NOL10: variants seen among roughly 807,000 people sequenced by gnomAD.
The protein encoded by NOL10 is nucleolar protein 10.
NOL10 carries 58 observed loss-of-function variants against 103.5 expected under a neutral mutation model. That is an observed-to-expected ratio of 0.56 (90% confidence interval 0.45 to 0.70). The LOEUF is 0.70. NOL10 is among the 30% of genes least tolerant of loss of function. NOL10 has a pLI of 0.00. For synonymous variants in NOL10, 287 were observed against 282.5 expected, an observed-to-expected ratio of 1.02 and a Z score of -0.16; for missense variants, 763 against 807.3, an observed-to-expected ratio of 0.95 and a Z score of 0.67.
intron 13 of NOL10, among the ~76,000 whole-genome samples, chr2:10,635,779 G>A (rs1427601866): frequency 6.6e-6 from 1 of 152,100 alleles, no homozygotes; most frequent in East Asian, 1.9e-4. Flanking sequence ...TATCCTTACT[G>A]AACAAATACA....
intron 17 of NOL10, among the ~76,000 whole-genome samples, chr2:10,598,805 G>GAAAAC (rs70953319): frequency 0.59 from 89,556 of 151,602 alleles, 27,424 homozygotes; most frequent in African/African-American, 0.74. Context: ...AGAAATAAAA[G>GAAAAC]AAAGAAAATA....
intron 1 of NOL10, among the ~76,000 whole-genome samples, chr2:10,686,491 C>T (rs1341279204): frequency 6.6e-6 from 1 of 152,128 alleles, no homozygotes. Context: ...TGCTTTTCAC[C>T]CCCAAGAGAG....
intron 13 of NOL10, among the ~76,000 whole-genome samples, chr2:10,611,784 C>T (rs183535639): frequency 1.1e-4 from 16 of 152,186 alleles, no homozygotes; most frequent in Non-Finnish European, 1.9e-4. Flanking sequence ...GGCGTGGTGG[C>T]GCATGCCTGT....
intron 19 of NOL10, among the ~76,000 whole-genome samples, chr2:10,586,080 A>C (rs1675009276): frequency 6.6e-6 from 1 of 152,244 alleles, no homozygotes; most frequent in Non-Finnish European, 1.5e-5. Context: ...CGATAGAGAC[A>C]GAAAAGTAAA....
In NOL10 at chr2:10,651,036, G is replaced by A. The variant is rs536940213; in HGVS notation, c.973+3445C>T. Among the ~76,000 whole-genome samples the A allele has an allele frequency of 3.9e-5, 6 of 152,230 alleles. No homozygotes were observed. The South Asian group carries it at 1.2e-3, about 32-fold the overall frequency. The stretch of plus-strand genomic sequence containing the variant: ...TTTGCCAAGTAGTCACACCCTTTGT[G>A]GGTTAAGAGATCTTTACAGCCATTA... On this transcript the variant is annotated intron_variant, in intron 12 of 20. Transcript: ENST00000381685.
intron 13 of NOL10, among the ~76,000 whole-genome samples, chr2:10,638,340 A>AACGTAACGTG (rs1678438607): frequency 7.6e-6 from 1 of 131,186 alleles, no homozygotes; most frequent in African/African-American, 3.9e-5. Flanking sequence ...GACGTAACGT[A>AACGTAACGTG]ACGTAACGTA....
At chr2:10,607,762 A>G (rs955441862) in intron 13 of NOL10, among the ~76,000 whole-genome samples, 30 of 149,434 alleles carry the variant, frequency 2.0e-4, no homozygotes, top group Admixed American at 1.2e-3. Context: ...TATTATTATT[A>G]TTATTATTAT....
At chr2:10,578,118 T>C (rs1482082529) in intron 19 of NOL10, among the ~76,000 whole-genome samples, 1 of 152,222 alleles carries the variant, frequency 6.6e-6, no homozygotes, top group Non-Finnish European at 1.5e-5. Flanking sequence ...GATATAATGA[T>C]ATATTTAAAC....
chr2:10,631,556 T>C (rs1033317927), intron 13 of NOL10, among the ~76,000 whole-genome samples: 2 of 152,156 alleles, frequency 1.3e-5, no homozygotes, highest in African/African-American at 4.8e-5. Context: ...TTGGACAAGG[T>C]ATTACTTTTA....
intron 17 of NOL10, among the ~76,000 whole-genome samples, chr2:10,593,062 C>T (rs10207885): frequency 0.34 from 52,257 of 151,828 alleles, 9,415 homozygotes; most frequent in Non-Finnish European, 0.4. Context: ...CTGAGTGGGA[C>T]GCCTATTATT....
intron 13 of NOL10, among the ~76,000 whole-genome samples, chr2:10,615,101 G>C (rs1331950545): frequency 6.6e-6 from 1 of 152,194 alleles, no homozygotes; most frequent in African/African-American, 2.4e-5. Flanking sequence ...TGCATTTGCA[G>C]CATAATGAGC....
intron 13 of NOL10, among the ~76,000 whole-genome samples, chr2:10,636,133 C>G (rs1470112667): frequency 2.0e-5 from 3 of 152,020 alleles, no homozygotes; most frequent in African/African-American, 7.2e-5. Context: ...AGTGATCTAC[C>G]CGCCTCGGCC....
intron 13 of NOL10, among the ~76,000 whole-genome samples, chr2:10,630,248 A>G (rs1001269204): frequency 2.6e-5 from 4 of 152,244 alleles, no homozygotes; most frequent in African/African-American, 4.8e-5. Flanking sequence ...TCAAGAAACT[A>G]GTGTTCGGAG....
Position 10,573,626 on chromosome 2 carries a change from T to C in NOL10, c.1948-1436A>G, listed in dbSNP as rs148389465. ...AATTGAAGAGTTGCAAGTGAGAGAA[T>C]AGCGGGGAAGGAAAGCAATTTGTAA... On this transcript the variant is annotated intron_variant, in intron 20 of 20. Coordinates refer to ENST00000381685, the MANE Select transcript of NOL10 (RefSeq NM_024894.4). Among the ~76,000 whole-genome samples, 250 of 137,348 alleles carry C rather than the reference T, an allele frequency of 1.8e-3. 1 individual carries two copies. Among genetic ancestry groups the C allele is most frequent in the African/African-American group, 6.9e-3 (248 of 35,756 alleles). The allele number at this position is 137,348 out of a possible 152,430, so 90.1% of individuals were successfully genotyped here. A position where few individuals can be genotyped will look rare whatever the true frequency, so the allele number is the denominator to read the frequency against.
At chr2:10,585,900 T>C (rs1172499635) in intron 19 of NOL10, among the ~76,000 whole-genome samples, 1 of 152,008 alleles carries the variant, frequency 6.6e-6, no homozygotes, top group African/African-American at 2.4e-5. Flanking sequence ...TTTCAGCCCA[T>C]ATTGGTTGAA....
chr2:10,600,802 G>A, intron 17 of NOL10, 51 bp downstream of exon 17: 1 of 1,163,380 alleles, frequency 8.6e-7, no homozygotes, highest in South Asian at 1.4e-5. Context: ...AAAGATGTAA[G>A]TTACTATCAA....
intron 4 of NOL10, among the ~76,000 whole-genome samples, chr2:10,674,354 T>A (rs544298535): frequency 1.3e-5 from 2 of 152,182 alleles, no homozygotes; most frequent in Non-Finnish European, 2.9e-5. Flanking sequence ...TAAAAGCACT[T>A]GAACTTTCCC....
chr2:10,608,025 T>G (rs1558286334), intron 13 of NOL10, among the ~76,000 whole-genome samples: 2 of 152,024 alleles, frequency 1.3e-5, no homozygotes, highest in Non-Finnish European at 2.9e-5. Flanking sequence ...GCTAAGAGAG[T>G]AGATTTTAAA....
chr2:10,663,936 GCGAGACTCCGTCTCCAAAA>G (rs1478186077), intron 8 of NOL10, among the ~76,000 whole-genome samples: 1 of 150,684 alleles, frequency 6.6e-6, no homozygotes. Context: ...GGGCGACAGA[GCGAGACTCCGTCTCCAAAA>G]AAAAAAAAAA....
Sources: allele counts gnomAD v4.1 joint callset (sites outside exome capture counted in the v4.1 genomes callset), GRCh38; gene constraint gnomAD v4.1.1; transcripts MANE v1.5; gene names NCBI Gene and HGNC (gene_info 2026-07-23, HGNC 2026-07-21).